AOX1: variants seen among roughly 807,000 people sequenced by gnomAD.
AOX1 encodes the protein aldehyde oxidase 1.
A neutral mutation model predicts 169.5 loss-of-function variants in AOX1; 153 were observed. That is an observed-to-expected ratio of 0.90 (90% confidence interval 0.79 to 1.03). The LOEUF is 1.03. AOX1 is among the 50% of genes least tolerant of loss of function. The pLI, the probability that AOX1 is intolerant of heterozygous loss-of-function variation, is 0.00. For synonymous variants in AOX1, 562 were observed against 581.9 expected, an observed-to-expected ratio of 0.97 and a Z score of 0.49; for missense variants, 1,656 against 1,663.9, an observed-to-expected ratio of 1.00 and a Z score of 0.08.
intron 27 of AOX1, among the ~76,000 whole-genome samples, chr2:200,657,192 T>TATATATATATATA (rs1559258569): frequency 1.4e-5 from 1 of 68,980 alleles, no homozygotes; most frequent in African/African-American, 6.0e-5. Context: ...ATATATATAT[T>TATATATATATATA]TTTTTTTTTT....
chr2:200,641,318 G>GT, intron 24 of AOX1, 134 bp downstream of exon 24: 1 of 595,276 alleles, frequency 1.7e-6, no homozygotes, highest in Non-Finnish European at 2.9e-6. Flanking sequence ...GGATAGCCAT[G>GT]TGTTACTTCC....
chr2:200,620,513 A>T, intron 16 of AOX1, 137 bp from the exon 17 acceptor site: 1 of 798,308 alleles, frequency 1.3e-6, no homozygotes, highest in Non-Finnish European at 1.8e-6. Context: ...CCAGCCCAAT[A>T]GTGCTTTTTC....
At chr2:200,633,268 G>A (rs1018821196) in intron 20 of AOX1, among the ~76,000 whole-genome samples, 12 of 152,074 alleles carry the variant, frequency 7.9e-5, no homozygotes, top group East Asian at 1.9e-4. Flanking sequence ...GATTAGTGTC[G>A]TTTGTGAATT....
chr2:200,668,576 T>A (rs1476000377), intron 32 of AOX1, 39 bp from the exon 33 acceptor site: 1 of 1,560,870 alleles, frequency 6.4e-7, no homozygotes, highest in East Asian at 2.3e-5. Context: ...TGACTGTGTT[T>A]TCTCATACGT....
chr2:200,638,767 G>T (rs1404784889), intron 23 of AOX1, among the ~76,000 whole-genome samples: 2 of 152,162 alleles, frequency 1.3e-5, no homozygotes, highest in Admixed American at 6.5e-5. Context: ...AAAAAAATTT[G>T]TAGTAGAAAA....
chr2:200,668,397 C>T (rs2035962612), intron 32 of AOX1, among the ~76,000 whole-genome samples: 1 of 152,166 alleles, frequency 6.6e-6, no homozygotes, highest in African/African-American at 2.4e-5. Context: ...GTGTGAGCCA[C>T]CACGCCCGGC....
intron 29 of AOX1, 86 bp downstream of exon 29, chr2:200,660,155 G>A: frequency 8.9e-7 from 1 of 1,129,050 alleles, no homozygotes; most frequent in South Asian, 1.3e-5. Flanking sequence ...ATTGAAATCT[G>A]TAGAAAGGGC....
intron 30 of AOX1, among the ~76,000 whole-genome samples, chr2:200,662,430 C>T (rs1011270376): frequency 2.6e-5 from 4 of 152,200 alleles, no homozygotes; most frequent in Non-Finnish European, 5.9e-5. Context: ...GAATGGGAGC[C>T]ATGGGACCTG....
chr2:200,618,214 G>C (rs1004239873), intron 16 of AOX1, among the ~76,000 whole-genome samples: 3 of 152,086 alleles, frequency 2.0e-5, no homozygotes, highest in African/African-American at 7.2e-5. Flanking sequence ...ATAAAGTCAG[G>C]ATGACTCAAC....
chr2:200,656,852 T>C lies in AOX1; in HGVS notation c.3086T>C (p.Leu1029Ser). The C allele has an allele frequency of 6.3e-7, 1 of 1,581,882 alleles. No homozygotes were observed. Among genetic ancestry groups the C allele is most frequent in the Non-Finnish European group, 8.6e-7 (1 of 1,163,274 alleles). The change falls in exon 27 of 35, where the codon TTG becomes TCG. Residue 1029 changes from leucine (L) to serine (S), a missense_variant. Transcript: ENST00000374700. The part of the protein sequence containing the change: ...GSRAAGQAAA[L>S]VHIYLDGSVL... ...GTCTTTTCTGCTCAGGCTGCTGCCT[T>C]GGTTCACATTTATCTTGATGGCTCT... is the stretch of plus-strand genomic sequence containing the variant.
At chr2:200,652,058 G>C (rs562198721) in intron 26 of AOX1, among the ~76,000 whole-genome samples, 6 of 152,244 alleles carry the variant, frequency 3.9e-5, no homozygotes, top group African/African-American at 1.4e-4. Flanking sequence ...CAGCTGTGCT[G>C]AGCGATCACA....
Position 200,611,379 on chromosome 2 carries a change from C to T in AOX1, c.1154-5C>T. On this transcript the variant is annotated splice_polypyrimidine_tract_variant and splice_region_variant and intron_variant, in intron 12 of 34. Coordinates refer to ENST00000374700, the MANE Select transcript of AOX1 (RefSeq NM_001159.4). The stretch of plus-strand genomic sequence containing the variant: ...TCCCAGGGAAAGTGTCATTTCTTTC[C>T]ACAGAAGGAAAACGACAGATTCCTT... The T allele has an allele frequency of 6.2e-7, 1 of 1,601,714 alleles. No individual in the cohort carries two copies. The highest frequency in any genetic ancestry group is 8.6e-7 in the Non-Finnish European group (1 of 1,168,966).
chr2:200,615,279 T>C (rs1039372364), intron 15 of AOX1, among the ~76,000 whole-genome samples: 2 of 152,218 alleles, frequency 1.3e-5, no homozygotes, highest in African/African-American at 4.8e-5. Flanking sequence ...AATGCTGGAA[T>C]TACAGGCATG....
intron 25 of AOX1, among the ~76,000 whole-genome samples, chr2:200,644,356 A>T (rs1212581907): frequency 6.6e-6 from 1 of 152,134 alleles, no homozygotes; most frequent in Non-Finnish European, 1.5e-5. Context: ...GCTTTGTCAA[A>T]GATCAGTTGG....
chr2:200,592,469 T>C (rs2034193967), intron 1 of AOX1, among the ~76,000 whole-genome samples: 1 of 152,228 alleles, frequency 6.6e-6, no homozygotes, highest in South Asian at 2.1e-4. Flanking sequence ...AGAGAAAACA[T>C]GATCACTTTG....
chr2:200,616,207 C>A, intron 16 of AOX1, 144 bp downstream of exon 16: 2 of 607,032 alleles, frequency 3.3e-6, no homozygotes, highest in East Asian at 2.8e-5. Context: ...TTATGGGTAA[C>A]TAAAATTCCA....
chr2:200,611,282 C>A, intron 12 of AOX1, 102 bp from the exon 13 acceptor site: 1 of 790,154 alleles, frequency 1.3e-6, no homozygotes, highest in Non-Finnish European at 2.2e-6. Context: ...TTTCCCTGAA[C>A]AACCGGTTTC....
chr2:200,677,222 G>C (rs1258925666), downstream of AOX1, among the ~76,000 whole-genome samples: 1 of 152,104 alleles, frequency 6.6e-6, no homozygotes, highest in South Asian at 2.1e-4. Flanking sequence ...GAGAGAAGGA[G>C]GGAGGGAGGG....
At chr2:200,623,577 C>T (rs1443452078) in intron 18 of AOX1, among the ~76,000 whole-genome samples, 5 of 152,218 alleles carry the variant, frequency 3.3e-5, no homozygotes, top group Non-Finnish European at 5.9e-5. Flanking sequence ...ACAGGCTGGC[C>T]CTCACACAGC....
Sources: gnomAD v4.1 joint callset for allele counts (sites outside exome capture counted in the v4.1 genomes callset) on GRCh38, gnomAD v4.1.1 for gene constraint, MANE v1.5 for transcripts, NCBI Gene and HGNC (gene_info 2026-07-23, HGNC 2026-07-21) for gene names.